The following MMP16 variants were observed in gnomAD, a reference collection of about 807,000 sequenced individuals.
MMP16 encodes the protein matrix metallopeptidase 16, also known as matrix metalloproteinase-16.
Under a neutral mutation model 67.8 loss-of-function variants are expected in MMP16, and 12 were observed. That is an observed-to-expected ratio of 0.18 (90% CI 0.11 to 0.29). MMP16 has a LOEUF of 0.29. Among genes scored for constraint, MMP16 ranks in the 10% least tolerant of loss-of-function variants. The probability of loss-of-function intolerance (pLI) is 1.00; values close to 1 mark genes in which losing one functional copy is unlikely to be tolerated. For synonymous variants in MMP16, 249 were observed against 255.9 expected (o/e 0.97, Z 0.26); for missense variants, 475 against 765.7 (o/e 0.62, Z 4.48).
chr8:88,099,963 A>G (rs898944614), intron 6 of MMP16, among the ~76,000 whole-genome samples: 2 of 151,850 alleles, frequency 1.3e-5, no homozygotes, highest in African/African-American at 4.8e-5. Context: ...GGCAGCTACA[A>G]AGATTCTCCT....
At chr8:88,046,362 T>C (rs1334768819) in intron 9 of MMP16, among the ~76,000 whole-genome samples, 3 of 152,200 alleles carry the variant, frequency 2.0e-5, no homozygotes, top group Non-Finnish European at 4.4e-5. Context: ...ATTTTTGTTA[T>C]TATTATCTTT....
chr8:88,186,149 TTTA>T (rs967702457), intron 3 of MMP16, among the ~76,000 whole-genome samples: 14 of 152,176 alleles, frequency 9.2e-5, no homozygotes, highest in Non-Finnish European at 5.9e-5. Context: ...ATTTATATAT[TTTA>T]TTATTTGATT....
At chr8:88,192,609 T>A (rs1401862) in intron 2 of MMP16, among the ~76,000 whole-genome samples, 1 of 152,016 alleles carries the variant, frequency 6.6e-6, no homozygotes, top group Non-Finnish European at 1.5e-5. Flanking sequence ...ATTAAGAACA[T>A]ATCTTTTATA....
chr8:88,235,152 C>T (rs572878881), intron 1 of MMP16, among the ~76,000 whole-genome samples: 22 of 152,122 alleles, frequency 1.4e-4, no homozygotes, highest in African/African-American at 5.1e-4. Context: ...AGCTGGGCAC[C>T]GAATCCCAGC....
At chr8:88,045,408 T>G (rs897387809) in intron 9 of MMP16, among the ~76,000 whole-genome samples, 5 of 152,148 alleles carry the variant, frequency 3.3e-5, no homozygotes, top group Non-Finnish European at 5.9e-5. Context: ...ACTGGCTCTG[T>G]CACCCAGCCT....
At chr8:88,215,643 G>A (rs895275596) in intron 1 of MMP16, among the ~76,000 whole-genome samples, 1 of 152,118 alleles carries the variant, frequency 6.6e-6, no homozygotes, top group African/African-American at 2.4e-5. Flanking sequence ...GATCTCACCA[G>A]GCTCTGAAAC....
chr8:88,199,501 T>C (rs1490067999), intron 1 of MMP16, among the ~76,000 whole-genome samples: 1 of 152,084 alleles, frequency 6.6e-6, no homozygotes, highest in Admixed American at 6.6e-5. Context: ...CTAATCAAGA[T>C]TGATTTGTCA....
At chr8:88,079,344 T>C (rs1162521288) in intron 6 of MMP16, among the ~76,000 whole-genome samples, 1 of 152,172 alleles carries the variant, frequency 6.6e-6, no homozygotes, top group Non-Finnish European at 1.5e-5. Context: ...CAGTATATTG[T>C]TGTAATTGTT....
intron 6 of MMP16, among the ~76,000 whole-genome samples, chr8:88,089,856 A>T (rs998398194): frequency 1.3e-4 from 20 of 151,438 alleles, no homozygotes; most frequent in Admixed American, 3.3e-4. Context: ...GCAGATAATT[A>T]AAAAAAAATC....
intron 2 of MMP16, among the ~76,000 whole-genome samples, chr8:88,196,157 T>A (rs1428130355): frequency 1.3e-5 from 2 of 152,206 alleles, no homozygotes; most frequent in Non-Finnish European, 2.9e-5. Flanking sequence ...TGACATTTAG[T>A]TCCTCTATTT....
intron 4 of MMP16, among the ~76,000 whole-genome samples, chr8:88,131,296 A>AC (rs1563540806): frequency 4.6e-4 from 58 of 125,640 alleles, no homozygotes; most frequent in African/African-American, 1.6e-3. Flanking sequence ...CACACACACA[A>AC]TCTTCCATAA....
At chr8:88,216,016 T>C (rs1385383002) in intron 1 of MMP16, among the ~76,000 whole-genome samples, 3 of 152,216 alleles carry the variant, frequency 2.0e-5, no homozygotes, top group African/African-American at 7.2e-5. Flanking sequence ...TTGTGGCAGC[T>C]GAAAGTCATT....
At chr8:88,199,989 T>C (rs1401859) in intron 1 of MMP16, among the ~76,000 whole-genome samples, 2,206 of 152,148 alleles carry the variant, frequency 0.014, 47 homozygotes, top group African/African-American at 0.051. Context: ...GTAGGGGTGA[T>C]GTTAGGATTA....
At chr8:88,189,951 A>C (rs1809141748) in intron 2 of MMP16, among the ~76,000 whole-genome samples, 1 of 152,170 alleles carries the variant, frequency 6.6e-6, no homozygotes, top group African/African-American at 2.4e-5. Context: ...ACATGAAGCA[A>C]ATGAACTAAG....
intron 6 of MMP16, among the ~76,000 whole-genome samples, chr8:88,092,408 TTTCC>T (rs1808953706): frequency 6.6e-6 from 1 of 151,922 alleles, no homozygotes; most frequent in Non-Finnish European, 1.5e-5. Flanking sequence ...AGTATCTTCC[TTTCC>T]ACATATCTCA....
At chr8:88,170,808 A>G (rs2129710862) in intron 3 of MMP16, among the ~76,000 whole-genome samples, 1 of 152,332 alleles carries the variant, frequency 6.6e-6, no homozygotes, top group East Asian at 1.9e-4. Context: ...CAGACTGCTC[A>G]GTGAGTTGGA....
intron 3 of MMP16, among the ~76,000 whole-genome samples, chr8:88,178,296 T>C (rs966620717): frequency 3.9e-5 from 6 of 152,112 alleles, no homozygotes; most frequent in Admixed American, 3.9e-4. Context: ...AACTGATCAA[T>C]AGGCTAAGGG....
chr8:88,056,987 A>G (rs1808340991), intron 7 of MMP16, among the ~76,000 whole-genome samples: 2 of 152,060 alleles, frequency 1.3e-5, no homozygotes, highest in African/African-American at 4.8e-5. Flanking sequence ...CAGACAGCAC[A>G]TATCCTCATG....
intron 1 of MMP16, among the ~76,000 whole-genome samples, chr8:88,292,144 C>G (rs1235804057): frequency 1.3e-5 from 2 of 152,144 alleles, no homozygotes; most frequent in Non-Finnish European, 2.9e-5. Context: ...AAGAACTATT[C>G]TAGAAGAATT....
Sources: allele counts gnomAD v4.1 joint callset (sites outside exome capture counted in the v4.1 genomes callset), GRCh38; gene constraint gnomAD v4.1.1; transcripts MANE v1.5; gene names NCBI Gene and HGNC (gene_info 2026-07-23, HGNC 2026-07-21).